Variants in CSMD2 observed in about 807,000 individuals in gnomAD.
CSMD2 encodes CUB and Sushi multiple domains 2, also known as CUB and sushi domain-containing protein 2.
CSMD2 carries 130 observed loss-of-function variants against 398.5 expected under a neutral mutation model. The observed-to-expected ratio is 0.33, with a 90% CI of 0.28 to 0.38. CSMD2 has a LOEUF of 0.38. Ranked by LOEUF, CSMD2 falls within the 10% of genes least tolerant of loss-of-function variation. CSMD2 has a pLI of 1.00. For missense variants in CSMD2, 3,829 were observed against 4,764.9 expected, an observed-to-expected ratio of 0.80 and a Z score of 5.78; for synonymous variants, 1,828 against 1,908.5, an observed-to-expected ratio of 0.96 and a Z score of 1.10.
At chr1:33,832,300 A>G (rs1337299302) in intron 6 of CSMD2, among the ~76,000 whole-genome samples, 2 of 152,036 alleles carry the variant, frequency 1.3e-5, no homozygotes, top group Admixed American at 1.3e-4. Flanking sequence ...AACAGAAATT[A>G]TAACAAACTG....
intron 1 of CSMD2, among the ~76,000 whole-genome samples, chr1:34,146,878 G>T (rs1639815496): frequency 6.6e-6 from 1 of 152,196 alleles, no homozygotes; most frequent in South Asian, 2.1e-4. Context: ...CGGTTCTGGA[G>T]TTCAGGAGCA....
intron 3 of CSMD2, among the ~76,000 whole-genome samples, chr1:33,992,556 C>G (rs768861084): frequency 4.6e-5 from 7 of 150,830 alleles, no homozygotes; most frequent in Non-Finnish European, 1.0e-4. Flanking sequence ...GAAGCAACTT[C>G]AATGTCCATC....
intron 3 of CSMD2, among the ~76,000 whole-genome samples, chr1:33,938,046 C>G (rs931647353): frequency 6.6e-6 from 1 of 152,230 alleles, no homozygotes; most frequent in African/African-American, 2.4e-5. Context: ...CTTCATGCAA[C>G]AAAAATTCAT....
intron 5 of CSMD2, among the ~76,000 whole-genome samples, chr1:33,893,341 G>A (rs986595868): frequency 2.0e-5 from 3 of 152,188 alleles, no homozygotes; most frequent in African/African-American, 7.2e-5. Context: ...GCCTAAGATT[G>A]CCCAGTGGAA....
At chr1:34,015,764 T>G (rs1647999254) in intron 3 of CSMD2, among the ~76,000 whole-genome samples, 1 of 152,194 alleles carries the variant, frequency 6.6e-6, no homozygotes. Context: ...AGTTGCTGAT[T>G]TAAAGTATTA....
At chr1:33,968,057 C>T (rs1213051016) in intron 3 of CSMD2, among the ~76,000 whole-genome samples, 1 of 152,212 alleles carries the variant, frequency 6.6e-6, no homozygotes, top group Non-Finnish European at 1.5e-5. Flanking sequence ...GTCAGCCTTG[C>T]CCCATGAGCC....
At position 33,577,289 on chromosome 1, in the gene CSMD2, T is replaced by C. The variant is rs1450571803; in HGVS notation, c.7576+7A>G. The C allele has an allele frequency of 6.3e-7, 1 of 1,596,622 alleles. No homozygotes were observed. The highest frequency in any genetic ancestry group is 8.6e-7 in the Non-Finnish European group (1 of 1,168,254). On this transcript the variant is annotated splice_region_variant and intron_variant, in intron 49 of 70. Transcript: ENST00000373381. ...ACCTTGTGACCCCCTTTCCACCTGC[T>C]TCTCACCTTGACAGAGAGGGATGGC...
rs1049472216 is a variant in CSMD2 at position 33,530,809 on chromosome 1, G to A, written c.10171+2241C>T. 3.3e-5 allele frequency among the ~76,000 whole-genome samples: 5 copies of A among 152,306 alleles called. No individual in the cohort carries two copies. In the East Asian group the frequency reaches 5.8e-4, roughly 18 times the overall value. On this transcript the variant is annotated intron_variant, in intron 64 of 70. Coordinates refer to ENST00000373381, the MANE Select transcript of CSMD2 (RefSeq NM_001281956.2). ...CATTTGTGACCACAGGGATAACCTG[G>A]AGGACATTATGTTAAGTGAAATAAG...
intron 19 of CSMD2, among the ~76,000 whole-genome samples, chr1:33,723,521 T>C (rs1646427843): frequency 6.6e-6 from 1 of 152,232 alleles, no homozygotes; most frequent in Non-Finnish European, 1.5e-5. Flanking sequence ...AGAGTATTAA[T>C]ATATTAATTA....
chr1:33,711,072 C>G, intron 21 of CSMD2, among the ~76,000 whole-genome samples: 1 of 152,148 alleles, frequency 6.6e-6, no homozygotes, highest in East Asian at 1.9e-4. Flanking sequence ...TCATAAAACT[C>G]AAGGGACAGT....
At chr1:33,606,057 A>T in intron 41 of CSMD2, 40 of 1,543,664 alleles carry the variant, frequency 2.6e-5, no homozygotes, top group Non-Finnish European at 3.4e-5. Context: ...TCACAAAGCA[A>T]GTCCCTCCAA....
chr1:34,014,241 C>T (rs1032424088), intron 3 of CSMD2, among the ~76,000 whole-genome samples: 3 of 152,372 alleles, frequency 2.0e-5, no homozygotes, highest in South Asian at 2.1e-4. Context: ...ACTCTGCACT[C>T]CTTCAGCATA....
chr1:33,986,833 C>T (rs928764480), intron 3 of CSMD2, among the ~76,000 whole-genome samples: 1 of 152,186 alleles, frequency 6.6e-6, no homozygotes, highest in African/African-American at 2.4e-5. Flanking sequence ...CTCCTTTCCT[C>T]CTCTGTTCTG....
At chr1:33,835,798 A>G (rs1437581877) in intron 6 of CSMD2, among the ~76,000 whole-genome samples, 1 of 149,006 alleles carries the variant, frequency 6.7e-6, no homozygotes, top group Non-Finnish European at 1.5e-5. Flanking sequence ...CTTCTTTGCC[A>G]TGGGTTCGAA....
intron 1 of CSMD2, among the ~76,000 whole-genome samples, chr1:34,156,961 C>T (rs546490439): frequency 1.1e-4 from 16 of 152,282 alleles, no homozygotes; most frequent in Admixed American, 3.3e-4. Context: ...ACTCCATCCT[C>T]GGCTTTCCTT....
At chr1:34,159,274 A>G (rs1252463366) in intron 1 of CSMD2, among the ~76,000 whole-genome samples, 4 of 151,992 alleles carry the variant, frequency 2.6e-5, no homozygotes, top group Non-Finnish European at 4.4e-5. Flanking sequence ...CCCACAGTAG[A>G]GTTCCATCTA....
chr1:33,627,094 T>C (rs1220465167), intron 32 of CSMD2, among the ~76,000 whole-genome samples: 2 of 152,150 alleles, frequency 1.3e-5, no homozygotes, highest in African/African-American at 4.8e-5. Context: ...TGTGAAATGA[T>C]TACCAGAGCG....
At chr1:33,588,165 G>T (rs774933639) in intron 44 of CSMD2, among the ~76,000 whole-genome samples, 1 of 152,066 alleles carries the variant, frequency 6.6e-6, no homozygotes, top group Non-Finnish European at 1.5e-5. Flanking sequence ...ATGTTATATA[G>T]CTTGTGTTGA....
Position 33,819,774 on chromosome 1 carries a change from G to A in CSMD2, c.1263C>T (p.Ile421=), listed in dbSNP as rs1388740240. The change falls in exon 9 of 71, where the codon ATC becomes ATT. Residue 421 remains isoleucine (I), a synonymous_variant. Coordinates refer to ENST00000373381, the MANE Select transcript of CSMD2 (RefSeq NM_001281956.2). ...ACATGTCGCTCACTTTCATACAGGT[G>A]ATCCGCTTGGACCCTTGCAGGTCAT... ...EGYDLQGSKR[I]TCMKVSDMFA... is the part of the protein sequence containing the mutation. The A allele has an allele frequency of 6.2e-7, 1 of 1,614,074 alleles. No individual in the cohort carries two copies. The highest frequency in any genetic ancestry group is 1.7e-5 in the Admixed American group (1 of 60,014).
Sources: allele counts gnomAD v4.1 joint callset (sites outside exome capture counted in the v4.1 genomes callset), GRCh38; gene constraint gnomAD v4.1.1; transcripts MANE v1.5; gene names NCBI Gene and HGNC (gene_info 2026-07-23, HGNC 2026-07-21).